The following PHACTR2 variants were observed in gnomAD, a reference collection of about 807,000 sequenced individuals.
The protein encoded by PHACTR2 is phosphatase and actin regulator 2, also known as chromosome 6 open reading frame 56.
A neutral mutation model predicts 76.0 loss-of-function variants in PHACTR2; 30 were observed. The ratio of observed to expected loss-of-function variants is 0.39; its 90% CI spans 0.30 to 0.54. The LOEUF is 0.54. Among genes scored for constraint, PHACTR2 ranks in the 20% least tolerant of loss-of-function variants. PHACTR2 has a pLI of 0.61. For synonymous variants in PHACTR2, 292 were observed against 292.5 expected (o/e 1.00, Z 0.02); for missense variants, 696 against 781.1 (o/e 0.89, Z 1.30).
intron 2 of PHACTR2, among the ~76,000 whole-genome samples, chr6:143,725,820 CA>C (rs35596471): frequency 1.2e-3 from 162 of 132,032 alleles, no homozygotes; most frequent in East Asian, 2.7e-3. Flanking sequence ...GACTCTGTCT[CA>C]AAAAAAAAAA....
rs1460577094 is a variant in PHACTR2 at position 143,581,675 on chromosome 6, A to G, written c.217+44468A>G. ...TGAAACCCTGTCTCTACCAAAAAAT[A>G]CGAACATTAGCTGGACATGGTGGTG... On this transcript the variant is annotated intron_variant, in intron 1 of 11. Coordinates refer to the PHACTR2 transcript ENST00000367584. This position sits in a 1 kb window ranked among gnomAD's most constrained non-coding sequence, Gnocchi z 4.5. Among the ~76,000 whole-genome samples, 1 of 152,104 alleles carries G rather than the reference A, an allele frequency of 6.6e-6. No homozygotes were observed.
At position 143,553,803 on chromosome 6, in the gene PHACTR2, C is replaced by A. The variant is rs182632894; in HGVS notation, c.217+16596C>A. Among the ~76,000 whole-genome samples, 471 of 152,186 alleles carry A rather than the reference C, an allele frequency of 3.1e-3. 1 individual carries two copies. The highest frequency in any genetic ancestry group is 5.4e-3 in the Non-Finnish European group (367 of 67,996). On this transcript the variant is annotated intron_variant, in intron 1 of 11. Coordinates refer to the PHACTR2 transcript ENST00000367584. The surrounding 1 kb of genome is among the most constrained non-coding windows in gnomAD (Gnocchi z 4.2). ...ACAATATTAGATGGTGATTACAAAG[C>A]AGAGGAAGGGTATAGGTCGTGCCGG...
intron 1 of PHACTR2, chr6:143,711,759 C>G: frequency 1.5e-6 from 1 of 659,544 alleles, no homozygotes; most frequent in South Asian, 1.4e-5. Flanking sequence ...ACTCATTTGT[C>G]TGGCCCCATC....
chr6:143,753,194 A>C lies in PHACTR2; in HGVS notation c.296-560A>C, dbSNP rs892790404. 1.3e-5 allele frequency among the ~76,000 whole-genome samples: 2 copies of C among 152,162 alleles called. No individual in the cohort carries two copies. Among genetic ancestry groups the C allele is most frequent in the African/African-American group, 4.8e-5 (2 of 41,448 alleles). ...TAAAAATAAAAATAGCCTTGCTATC[A>C]TGTTTTCCCTGAACATAGAGTAGCA... On this transcript the variant is annotated intron_variant, in intron 3 of 12. Transcript: ENST00000440869. The surrounding 1 kb of genome is among the most constrained non-coding windows in gnomAD (Gnocchi z 4.6).
At chr6:143,634,276 C>T (rs1022997802) in intron 1 of PHACTR2, among the ~76,000 whole-genome samples, 3 of 152,200 alleles carry the variant, frequency 2.0e-5, no homozygotes, top group Non-Finnish European at 4.4e-5. Flanking sequence ...TGGAAAGTTA[C>T]ATCTTAAGAA....
At position 143,767,233 on chromosome 6, in the gene PHACTR2, T is replaced by C. The variant is rs1313691536; in HGVS notation, c.1232+1435T>C. Among the ~76,000 whole-genome samples the C allele has an allele frequency of 6.6e-6, 1 of 152,178 alleles. No homozygotes were observed. Among genetic ancestry groups the C allele is most frequent in the Admixed American group, 6.5e-5 (1 of 15,280 alleles). On this transcript the variant is annotated intron_variant, in intron 6 of 12. Transcript: ENST00000440869. The surrounding 1 kb of genome is among the most constrained non-coding windows in gnomAD (Gnocchi z 4.4). The stretch of plus-strand genomic sequence containing the variant: ...AAAACTGGCACTGAGAGAGCTAAAA[T>C]AGTTTGCACCAGACTGCCCAGTTGG...
At chr6:143,576,652 G>A (rs1327816831) in intron 1 of PHACTR2, among the ~76,000 whole-genome samples, 1 of 152,048 alleles carries the variant, frequency 6.6e-6, no homozygotes, top group Non-Finnish European at 1.5e-5. Flanking sequence ...AGAGGTGGGT[G>A]GATCACTTGA....
rs1275398226 is a variant in PHACTR2, at chr6:143,695,700, A to G, written c.47-16316A>G. On this transcript the variant is annotated intron_variant, in intron 1 of 12. Coordinates refer to ENST00000440869, the MANE Select transcript of PHACTR2 (RefSeq NM_001100164.2). The surrounding 1 kb of genome is among the most constrained non-coding windows in gnomAD (Gnocchi z 4.4). ...GATAACATGAGTCTCATAATCAAGA[A>G]TCCTCTGGGACTTTGTCATCTACAT... is the stretch of plus-strand genomic sequence containing the variant. Among the ~76,000 whole-genome samples the G allele has an allele frequency of 6.6e-6, 1 of 152,230 alleles. No individual in the cohort carries two copies. Among genetic ancestry groups the G allele is most frequent in the Admixed American group, 6.5e-5 (1 of 15,284 alleles).
At chr6:143,638,175 A>G (rs945226365) in intron 1 of PHACTR2, among the ~76,000 whole-genome samples, 2 of 152,204 alleles carry the variant, frequency 1.3e-5, no homozygotes, top group African/African-American at 4.8e-5. Flanking sequence ...TAGCAAATAG[A>G]GACTTAAGTT....
chr6:143,772,951 G>A lies in PHACTR2; in HGVS notation c.1432+494G>A, dbSNP rs1019804481. On this transcript the variant is annotated intron_variant, in intron 7 of 12. Coordinates refer to ENST00000440869, the MANE Select transcript of PHACTR2 (RefSeq NM_001100164.2). This position sits in a 1 kb window ranked among gnomAD's most constrained non-coding sequence, Gnocchi z 5.4. The stretch of plus-strand genomic sequence containing the variant: ...TCATTAGCATTAAGAGGCTGGGCAC[G>A]GTGGCTCATGTCTAATTTTGGGAGG... Among the ~76,000 whole-genome samples the A allele has an allele frequency of 1.3e-5, 2 of 152,186 alleles. No individual in the cohort carries two copies. The highest frequency in any genetic ancestry group is 1.9e-4 in the East Asian group (1 of 5,204).
chr6:143,663,933 G>C lies in PHACTR2; in HGVS notation c.14-48083G>C, dbSNP rs1776988296. On this transcript the variant is annotated intron_variant, in intron 1 of 11. Transcript: ENST00000305766. The surrounding 1 kb of genome is among the most constrained non-coding windows in gnomAD (Gnocchi z 4.1). ...TTACATCAAGCTTGTCAATGGGATTGTTTAAATTCATGACCTTAAAAATAT... is the reference window on the plus strand; with the variant it reads ...TTACATCAAGCTTGTCAATGGGATTCTTTAAATTCATGACCTTAAAAATAT... 6.6e-6 allele frequency among the ~76,000 whole-genome samples: 1 copy of C among 151,940 alleles called. No homozygotes were observed. Among genetic ancestry groups the C allele is most frequent in the Non-Finnish European group, 1.5e-5 (1 of 67,930 alleles).
Position 143,801,009 on chromosome 6 carries a change from T to C in PHACTR2, c.1846-6048T>C, listed in dbSNP as rs1465903862. ...GGTTGAAAATTCTTTTCTTTAAGAA[T>C]GTTGAATATTGACCCCCACTCTCTT... On this transcript the variant is annotated intron_variant, in intron 11 of 12. Coordinates refer to ENST00000440869, the MANE Select transcript of PHACTR2 (RefSeq NM_001100164.2). This position sits in a 1 kb window ranked among gnomAD's most constrained non-coding sequence, Gnocchi z 4.6. Among the ~76,000 whole-genome samples, 1 of 152,238 alleles carries C rather than the reference T, an allele frequency of 6.6e-6. No homozygotes were observed. The highest frequency in any genetic ancestry group is 1.9e-4 in the East Asian group (1 of 5,200).
chr6:143,786,911 AT>A (rs952034411), intron 10 of PHACTR2, among the ~76,000 whole-genome samples: 24 of 151,578 alleles, frequency 1.6e-4, no homozygotes, highest in Middle Eastern at 3.4e-3. Context: ...AAACCATATC[AT>A]TTTTTTTTCT....
chr6:143,774,369 G>A lies in PHACTR2; in HGVS notation c.1589+154G>A, dbSNP rs1375035883. ...GTTGGTCTTGCATGATGAAACACTC[G>A]AAGAACCTGTCCTTTGGCCCAGCTA... On this transcript the variant is annotated intron_variant, in intron 8 of 12. Coordinates refer to ENST00000440869, the MANE Select transcript of PHACTR2 (RefSeq NM_001100164.2). The surrounding 1 kb of genome is among the most constrained non-coding windows in gnomAD (Gnocchi z 5.4). Among the ~76,000 whole-genome samples the A allele has an allele frequency of 1.3e-5, 2 of 152,156 alleles. No individual in the cohort carries two copies. The highest frequency in any genetic ancestry group is 4.8e-5 in the African/African-American group (2 of 41,424).
rs888260514 is a variant in PHACTR2, at chr6:143,580,471, C to G, written c.217+43264C>G. 1.3e-5 allele frequency among the ~76,000 whole-genome samples: 2 copies of G among 151,930 alleles called. No individual in the cohort carries two copies. The highest frequency in any genetic ancestry group is 2.9e-5 in the Non-Finnish European group (2 of 67,966). ...CTGCACTCCAGCCTGGGCGACAGAG[C>G]GAGACTCCGTCTCAAACAAAACAAA... is the stretch of plus-strand genomic sequence containing the variant. On this transcript the variant is annotated intron_variant, in intron 1 of 11. Coordinates refer to the PHACTR2 transcript ENST00000367584. The surrounding 1 kb of genome is among the most constrained non-coding windows in gnomAD (Gnocchi z 4.2).
At chr6:143,692,512 A>C (rs1188055524) in intron 1 of PHACTR2, among the ~76,000 whole-genome samples, 1 of 152,220 alleles carries the variant, frequency 6.6e-6, no homozygotes, top group Non-Finnish European at 1.5e-5. Context: ...TTTTTTAAAG[A>C]AAACATGAAA....
intron 1 of PHACTR2, among the ~76,000 whole-genome samples, chr6:143,551,216 A>G (rs748956530): frequency 6.7e-6 from 1 of 150,224 alleles, no homozygotes; most frequent in Non-Finnish European, 1.5e-5. Flanking sequence ...CACCTAGTAG[A>G]TGCCCGAAAC....
intron 12 of PHACTR2, among the ~76,000 whole-genome samples, chr6:143,815,418 AAAATAAAT>A (rs549717792): frequency 6.6e-6 from 1 of 152,116 alleles, no homozygotes; most frequent in Non-Finnish European, 1.5e-5. Flanking sequence ...CTGTCTCTTT[AAAATAAAT>A]AAATAAATAA....
chr6:143,736,500 A>G (rs1437486434), intron 2 of PHACTR2, among the ~76,000 whole-genome samples: 2 of 150,488 alleles, frequency 1.3e-5, no homozygotes, highest in Admixed American at 1.3e-4. Flanking sequence ...TGGAAAGTAG[A>G]GGAGAAAAAA....
Sources: allele counts gnomAD v4.1 joint callset (sites outside exome capture counted in the v4.1 genomes callset), GRCh38; gene constraint gnomAD v4.1.1; non-coding constraint Gnocchi (gnomAD v3.1); transcripts MANE v1.5; gene names NCBI Gene and HGNC (gene_info 2026-07-23, HGNC 2026-07-21).